Variants in ARHGAP15 observed in about 807,000 individuals in gnomAD.
The protein encoded by ARHGAP15 is rho GTPase-activating protein 15.
In ARHGAP15, 51 loss-of-function variants were observed where a neutral mutation model predicts 63.7. That is an observed-to-expected ratio of 0.80 (90% CI 0.64 to 1.01). The LOEUF is 1.01. ARHGAP15 is among the 50% of genes least tolerant of loss of function. The pLI is 0.00. For missense variants in ARHGAP15, 560 were observed against 564.6 expected (o/e 0.99, Z 0.08); for synonymous variants, 191 against 193.8 (o/e 0.99, Z 0.12).
At chr2:143,363,047 A>G (rs1045658192) in intron 6 of ARHGAP15, among the ~76,000 whole-genome samples, 9 of 152,148 alleles carry the variant, frequency 5.9e-5, no homozygotes, top group Non-Finnish European at 1.3e-4. Context: ...AATAATTTTC[A>G]TTCTATTTAG....
chr2:143,440,266 C>T (rs747996691), intron 8 of ARHGAP15, among the ~76,000 whole-genome samples: 10 of 152,108 alleles, frequency 6.6e-5, no homozygotes, highest in Non-Finnish European at 1.2e-4. Flanking sequence ...AGGAAATACC[C>T]TGTGTGAAAC....
At chr2:143,673,637 A>C (rs1439013826) in intron 12 of ARHGAP15, among the ~76,000 whole-genome samples, 1 of 150,106 alleles carries the variant, frequency 6.7e-6, no homozygotes, top group Non-Finnish European at 1.5e-5. Flanking sequence ...TGGATTTTAC[A>C]AAGTCACCAT....
At chr2:143,188,651 T>TC (rs1691544196) in intron 2 of ARHGAP15, among the ~76,000 whole-genome samples, 1 of 140,118 alleles carries the variant, frequency 7.1e-6, no homozygotes, top group African/African-American at 2.6e-5. Flanking sequence ...ATTATTATTA[T>TC]TATTTGTCTC....
intron 9 of ARHGAP15, among the ~76,000 whole-genome samples, chr2:143,495,419 T>G (rs1025382578): frequency 6.6e-6 from 1 of 152,176 alleles, no homozygotes; most frequent in African/African-American, 2.4e-5. Context: ...TTTGGTAATT[T>G]TAATCATGAT....
intron 2 of ARHGAP15, among the ~76,000 whole-genome samples, chr2:143,174,451 A>C (rs1181041375): frequency 6.6e-6 from 1 of 152,168 alleles, no homozygotes; most frequent in African/African-American, 2.4e-5. Context: ...TTAAAAAAAG[A>C]AACATACAAA....
At chr2:143,701,728 T>C (rs1282028148) in intron 12 of ARHGAP15, among the ~76,000 whole-genome samples, 1 of 152,108 alleles carries the variant, frequency 6.6e-6, no homozygotes, top group Non-Finnish European at 1.5e-5. Context: ...AGATCCTGTC[T>C]CAAAAAATAC....
intron 1 of ARHGAP15, among the ~76,000 whole-genome samples, chr2:143,130,146 A>G (rs946168727): frequency 1.4e-4 from 21 of 152,116 alleles, no homozygotes; most frequent in African/African-American, 5.1e-4. Context: ...CTCTGAGAGG[A>G]GAGGCAAATT....
intron 13 of ARHGAP15, among the ~76,000 whole-genome samples, chr2:143,765,634 T>TCC (rs1435297177): frequency 6.6e-6 from 1 of 152,142 alleles, no homozygotes; most frequent in Non-Finnish European, 1.5e-5. Context: ...CACCAGGCTG[T>TCC]CCATTACAAT....
intron 11 of ARHGAP15, 87 bp downstream of exon 11, chr2:143,556,572 T>C: frequency 1.1e-6 from 1 of 907,534 alleles, no homozygotes; most frequent in South Asian, 2.1e-5. Flanking sequence ...CTGTGAATAA[T>C]AATAAAACTT....
intron 6 of ARHGAP15, among the ~76,000 whole-genome samples, chr2:143,393,494 G>T (rs906554423): frequency 1.3e-5 from 2 of 152,092 alleles, no homozygotes; most frequent in Admixed American, 6.6e-5. Flanking sequence ...ACCACTTTGG[G>T]AGGCGAAGGT....
chr2:143,260,885 G>C (rs1220950204), intron 6 of ARHGAP15, among the ~76,000 whole-genome samples: 1 of 152,032 alleles, frequency 6.6e-6, no homozygotes, highest in Non-Finnish European at 1.5e-5. Flanking sequence ...CATTTAGGAA[G>C]GATATGAACA....
At chr2:143,563,437 A>G (rs1437949246) in intron 11 of ARHGAP15, among the ~76,000 whole-genome samples, 1 of 152,266 alleles carries the variant, frequency 6.6e-6, no homozygotes, top group Non-Finnish European at 1.5e-5. Flanking sequence ...AATCATTACT[A>G]GCCAAATTCA....
At chr2:143,309,739 C>T (rs1683348558) in intron 6 of ARHGAP15, among the ~76,000 whole-genome samples, 1 of 151,920 alleles carries the variant, frequency 6.6e-6, no homozygotes, top group Non-Finnish European at 1.5e-5. Flanking sequence ...CTGTCCTGTG[C>T]ATTGTAGAAT....
At chr2:143,669,445 GAATGAATT>G (rs1682405114) in intron 12 of ARHGAP15, among the ~76,000 whole-genome samples, 1 of 152,192 alleles carries the variant, frequency 6.6e-6, no homozygotes, top group African/African-American at 2.4e-5. Flanking sequence ...ACAGCAGATT[GAATGAATT>G]AATGAATGAA....
At chr2:143,173,892 G>A (rs1455403985) in intron 2 of ARHGAP15, among the ~76,000 whole-genome samples, 2 of 152,058 alleles carry the variant, frequency 1.3e-5, no homozygotes, top group African/African-American at 4.8e-5. Context: ...CACAAGAAAC[G>A]TTATAGGATA....
intron 6 of ARHGAP15, among the ~76,000 whole-genome samples, chr2:143,343,874 T>C (rs955470596): frequency 3.3e-5 from 5 of 152,120 alleles, no homozygotes; most frequent in Non-Finnish European, 7.4e-5. Context: ...TTAACTGTCT[T>C]AAACAGAAGC....
intron 6 of ARHGAP15, among the ~76,000 whole-genome samples, chr2:143,304,756 C>T (rs1322100538): frequency 2.0e-5 from 3 of 151,932 alleles, no homozygotes; most frequent in African/African-American, 7.3e-5. Flanking sequence ...TAGAGAAATG[C>T]AAATGAAAAC....
chr2:143,745,490 C>T (rs1294158495), intron 13 of ARHGAP15, among the ~76,000 whole-genome samples: 1 of 152,162 alleles, frequency 6.6e-6, no homozygotes, highest in East Asian at 1.9e-4. Flanking sequence ...CTCATGCTTC[C>T]AAGAGATGGA....
chr2:143,333,772 C>T (rs1279668991), intron 6 of ARHGAP15, among the ~76,000 whole-genome samples: 2 of 152,096 alleles, frequency 1.3e-5, no homozygotes, highest in African/African-American at 2.4e-5. Context: ...AAACAAGATT[C>T]GGGAAATATA....
Sources: gnomAD v4.1 joint callset for allele counts (sites outside exome capture counted in the v4.1 genomes callset) on GRCh38, gnomAD v4.1.1 for gene constraint, MANE v1.5 for transcripts, NCBI Gene and HGNC (gene_info 2026-07-23, HGNC 2026-07-21) for gene names.